The following MFN2 variants were observed in gnomAD, a reference collection of about 807,000 sequenced individuals.
MFN2 encodes mitofusin 2.
MFN2 carries 43 observed loss-of-function variants against 87.5 expected under a neutral mutation model. The observed-to-expected ratio is 0.49, with a 90% CI of 0.38 to 0.63. The LOEUF is 0.63. Among genes scored for constraint, MFN2 ranks in the 30% least tolerant of loss-of-function variants. MFN2 has a pLI of 0.00. For synonymous variants in MFN2, 337 were observed against 359.9 expected, an observed-to-expected ratio of 0.94 and a Z score of 0.72; for missense variants, 743 against 972.8, an observed-to-expected ratio of 0.76 and a Z score of 3.14.
Position 12,007,099 on chromosome 1 carries a change from T to C in MFN2, c.1919T>C (p.Leu640Pro), listed in dbSNP as rs1320373838. The C allele has an allele frequency of 6.2e-7, 1 of 1,614,122 alleles. No individual in the cohort carries two copies. ...GWRLIALSFG[L>P]YGLLYVYERL... ...CGGCTCATTGCCCTCTCCTTTGGGC[T>C]CTATGGCCTCCTCTACGTCTATGAG... The change falls in exon 17 of 19, where the codon CTC becomes CCC. Residue 640 changes from leucine (L) to proline (P), a missense_variant. Coordinates refer to ENST00000235329, the MANE Select transcript of MFN2 (RefSeq NM_014874.4).
In MFN2 at chr1:12,004,149, G is replaced by C. The variant is rs563847651; in HGVS notation, c.1287+31G>C. ...AAATGAGGAGGAGGCATTCTGGGAA[G>C]ATTTGGACTCCGAGTAGAGTCCAGA... On this transcript the variant is annotated intron_variant, in intron 12 of 18. Coordinates refer to ENST00000235329, the MANE Select transcript of MFN2 (RefSeq NM_014874.4). This position sits in a 1 kb window ranked among gnomAD's most constrained non-coding sequence, Gnocchi z 4.2. 55 of 1,613,274 alleles carry C rather than the reference G, an allele frequency of 3.4e-5. No individual in the cohort carries two copies. The South Asian group carries it at 5.5e-4, about 16-fold the overall frequency.
In MFN2 at chr1:12,011,478, A is replaced by C; in HGVS notation, c.2205-18A>C. On this transcript the variant is annotated intron_variant, in intron 18 of 18. Coordinates refer to ENST00000235329, the MANE Select transcript of MFN2 (RefSeq NM_014874.4). ...TATCATCAGCTATCATGGTTACAAA[A>C]GAACCATTTCTTTGCAGGAATAAAG... is the stretch of plus-strand genomic sequence containing the variant. 6.2e-7 allele frequency: 1 copy of C among 1,614,110 alleles called. No homozygotes were observed. The highest frequency in any genetic ancestry group is 8.5e-7 in the Non-Finnish European group (1 of 1,179,934).
chr1:12,006,735 A>G (rs1388197995), intron 16 of MFN2, 42 bp downstream of exon 16: 16 of 911,186 alleles, frequency 1.8e-5, no homozygotes, highest in East Asian at 8.3e-5. Context: ...GGCGGAGGGC[A>G]GGTGGGCGGG....
In MFN2 at chr1:12,012,477, C is replaced by T. The variant is rs14305; in HGVS notation, c.*912C>T. ...GGTGCATGGGCCCCACACAGGACAG[C>T]TGGAGAATGGGCCGTCCACTTGGCC... On this transcript the variant is annotated 3_prime_UTR_variant, in exon 19 of 19. Transcript: ENST00000235329. The T allele has an allele frequency of 0.053, 8,144 of 152,434 alleles. 318 individuals are homozygous for T. The highest frequency in any genetic ancestry group is 0.15 in the East Asian group (755 of 5,174). 9.4% of individuals were successfully genotyped at this position (152,434 alleles called of 1,614,324 possible).
At chr1:12,005,973 G>A in intron 15 of MFN2, 42 bp downstream of exon 15, 1 of 1,580,034 alleles carries the variant, frequency 6.3e-7, no homozygotes, top group Non-Finnish European at 8.7e-7. Flanking sequence ...TGGGGGGTCA[G>A]TCTGTACCCT....
At chr1:11,980,960 G>C (rs1423832296) in intron 1 of MFN2, among the ~76,000 whole-genome samples, 3 of 152,142 alleles carry the variant, frequency 2.0e-5, no homozygotes, top group African/African-American at 7.2e-5. Context: ...CTAACGTGGC[G>C]CCTGACACAC....
intron 2 of MFN2, among the ~76,000 whole-genome samples, chr1:11,985,667 C>T (rs1355748503): frequency 6.6e-6 from 1 of 152,016 alleles, no homozygotes; most frequent in Non-Finnish European, 1.5e-5. Context: ...GGGGTTTCAC[C>T]ATGTTGGCTA....
intron 4 of MFN2, among the ~76,000 whole-genome samples, chr1:11,993,393 C>T (rs1242400314): frequency 1.3e-5 from 2 of 152,094 alleles, no homozygotes; most frequent in Non-Finnish European, 2.9e-5. Flanking sequence ...ACTATTTTTA[C>T]AGTGCATGCA....
At chr1:12,001,317 A>C in intron 8 of MFN2, 84 bp from the exon 9 acceptor site, 1 of 1,560,700 alleles carries the variant, frequency 6.4e-7, no homozygotes, top group Non-Finnish European at 8.7e-7. Context: ...CCAGCCTCTT[A>C]TGACCTATTC....
intron 18 of MFN2, 25 bp downstream of exon 18, chr1:12,009,751 G>A: frequency 6.2e-7 from 1 of 1,614,048 alleles, no homozygotes; most frequent in Non-Finnish European, 8.5e-7. Context: ...TGTGGCCAAA[G>A]GTTAGGGCTC....
In MFN2 at chr1:11,989,223, A is replaced by G; in HGVS notation, c.55A>G (p.Arg19Gly). 6.2e-7 allele frequency: 1 copy of G among 1,614,114 alleles called. No individual in the cohort carries two copies. Among genetic ancestry groups the G allele is most frequent in the East Asian group, 2.2e-5 (1 of 44,878 alleles). Residue 19 changes from arginine (R) to glycine (G), a missense_variant, in exon 3 of 19, where the codon AGA (arginine) becomes GGA (glycine). Transcript: ENST00000235329. ...NSIVTVKKNKRHMAEVNASPL... is the reference protein window; with the variant it reads ...NSIVTVKKNKGHMAEVNASPL... ...TATCGTCACAGTCAAGAAAAATAAG[A>G]GACACATGGCTGAGGTGAATGCATC...
At chr1:11,997,472 T>G (rs761777300) in intron 6 of MFN2, 51 bp downstream of exon 6, 12 of 1,611,734 alleles carry the variant, frequency 7.4e-6, no homozygotes, top group Non-Finnish European at 9.3e-6. Context: ...GCACCAGGTT[T>G]CCATTTCTGG....
rs6676963 is a variant in MFN2 at position 12,000,508 on chromosome 1, T to G, written c.817-893T>G. Among the ~76,000 whole-genome samples the G allele has an allele frequency of 3.3e-5, 5 of 152,158 alleles. No homozygotes were observed. The East Asian group carries it at 5.8e-4, about 18-fold the overall frequency. Reference sequence around the variant, plus strand: ...CCCGCTTGTGACTGACACTAGGCAGTGTGACTTTGTTAGCTTCCTTGACCC... The same window carrying G: ...CCCGCTTGTGACTGACACTAGGCAGGGTGACTTTGTTAGCTTCCTTGACCC... On this transcript the variant is annotated intron_variant, in intron 8 of 18. Transcript: ENST00000235329.
intron 17 of MFN2, 82 bp from the exon 18 acceptor site, chr1:12,009,510 G>C: frequency 6.3e-7 from 1 of 1,592,712 alleles, no homozygotes; most frequent in Non-Finnish European, 8.6e-7. Context: ...AGGCCCAGCT[G>C]CTCCCTACTG....
intron 9 of MFN2, 40 bp downstream of exon 9, chr1:12,001,594 T>G: frequency 6.2e-7 from 1 of 1,613,750 alleles, no homozygotes; most frequent in Non-Finnish European, 8.5e-7. Context: ...CTCTGATGTT[T>G]GAGACATTTT....
At chr1:11,983,631 A>G (rs1638232393) in intron 2 of MFN2, among the ~76,000 whole-genome samples, 1 of 152,164 alleles carries the variant, frequency 6.6e-6, no homozygotes, top group Non-Finnish European at 1.5e-5. Context: ...TGAAGCAGAG[A>G]TTATCAAGGC....
At chr1:11,983,555 G>A (rs910173321) in intron 2 of MFN2, among the ~76,000 whole-genome samples, 9 of 152,196 alleles carry the variant, frequency 5.9e-5, no homozygotes, top group African/African-American at 2.4e-5. Context: ...TGTCACTGAT[G>A]TTGGAGCTGG....
chr1:11,988,086 G>T (rs544770467), intron 2 of MFN2, among the ~76,000 whole-genome samples: 94 of 150,872 alleles, frequency 6.2e-4, no homozygotes, highest in African/African-American at 1.9e-3. Context: ...AATAGTTTTT[G>T]TGTGTGTGTG....
chr1:12,009,103 G>C (rs973020099), intron 17 of MFN2, among the ~76,000 whole-genome samples: 11 of 152,250 alleles, frequency 7.2e-5, no homozygotes, highest in African/African-American at 2.7e-4. Flanking sequence ...GGCAGGTTGA[G>C]GCAGGAGAAT....
Sources: gnomAD v4.1 joint callset for allele counts (sites outside exome capture counted in the v4.1 genomes callset) on GRCh38, gnomAD v4.1.1 for gene constraint, Gnocchi (gnomAD v3.1) non-coding constraint, MANE v1.5 for transcripts, NCBI Gene and HGNC (gene_info 2026-07-23, HGNC 2026-07-21) for gene names.